NPAS3: variants seen among roughly 807,000 people sequenced by gnomAD.
The protein encoded by NPAS3 is neuronal PAS domain protein 3, also known as neuronal PAS domain-containing protein 3.
Under a neutral mutation model 73.1 loss-of-function variants are expected in NPAS3, and 14 were observed. The ratio of observed to expected loss-of-function variants is 0.19; its 90% CI spans 0.13 to 0.30. NPAS3 has a LOEUF of 0.30. Among genes scored for constraint, NPAS3 ranks in the 10% least tolerant of loss-of-function variants. NPAS3 has a pLI of 1.00. For missense variants in NPAS3, 1,096 were observed against 1,250.0 expected (o/e 0.88, Z 1.86); for synonymous variants, 620 against 541.5 (o/e 1.14, Z -2.01).
At chr14:32,965,405 T>G (rs1181170146) in intron 1 of NPAS3, among the ~76,000 whole-genome samples, 1 of 152,180 alleles carries the variant, frequency 6.6e-6, no homozygotes, top group Admixed American at 6.5e-5. Flanking sequence ...TGGTTCCACA[T>G]ATACAATTCA....
At chr14:32,995,397 C>G (rs762362499) in intron 1 of NPAS3, among the ~76,000 whole-genome samples, 1 of 152,200 alleles carries the variant, frequency 6.6e-6, no homozygotes, top group Non-Finnish European at 1.5e-5. Flanking sequence ...CATGGTAGTC[C>G]TGGCTGAGGC....
rs537594449 is a variant in NPAS3, at chr14:33,651,822, G to T, written c.559-24389G>T. The stretch of plus-strand genomic sequence containing the variant: ...AATTTTGGAGTAGGCCACTTTTGGT[G>T]GCTTATTTTTCTTTTCCTAGAAATA... On this transcript the variant is annotated intron_variant, in intron 5 of 11. Transcript: ENST00000356141. 2.0e-5 allele frequency among the ~76,000 whole-genome samples: 3 copies of T among 152,172 alleles called. No homozygotes were observed. In the South Asian group the frequency reaches 6.2e-4, roughly 32 times the overall value.
chr14:33,371,523 C>G (rs1412564644), intron 4 of NPAS3, among the ~76,000 whole-genome samples: 4 of 152,154 alleles, frequency 2.6e-5, no homozygotes, highest in Non-Finnish European at 5.9e-5. Context: ...AAATCAGTAT[C>G]TCATGGTCAT....
intron 2 of NPAS3, among the ~76,000 whole-genome samples, chr14:33,145,909 A>G (rs1228105899): frequency 6.6e-6 from 1 of 152,150 alleles, no homozygotes; most frequent in Non-Finnish European, 1.5e-5. Flanking sequence ...AAGAAAATAT[A>G]TACTAAATAT....
chr14:33,642,972 A>G (rs1198389487), intron 5 of NPAS3, among the ~76,000 whole-genome samples: 2 of 152,312 alleles, frequency 1.3e-5, no homozygotes, highest in Non-Finnish European at 1.5e-5. Context: ...GTGTCCATGG[A>G]TCAGAGAAAT....
intron 2 of NPAS3, among the ~76,000 whole-genome samples, chr14:33,129,731 T>C (rs2043564245): frequency 1.3e-5 from 2 of 152,164 alleles, no homozygotes; most frequent in South Asian, 4.1e-4. Flanking sequence ...GAAGTGAGTA[T>C]GTATAAAGGA....
intron 4 of NPAS3, among the ~76,000 whole-genome samples, chr14:33,447,054 A>T (rs1007857876): frequency 6.6e-6 from 1 of 152,250 alleles, no homozygotes; most frequent in Admixed American, 6.5e-5. Flanking sequence ...AGGTGTCTTC[A>T]TCTAAAGAAG....
intron 4 of NPAS3, among the ~76,000 whole-genome samples, chr14:33,427,319 T>A (rs2048596432): frequency 6.6e-6 from 1 of 151,980 alleles, no homozygotes; most frequent in African/African-American, 2.4e-5. Flanking sequence ...ACCTGACATG[T>A]TCCTCCCTAG....
upstream of NPAS3, among the ~76,000 whole-genome samples, chr14:32,938,486 T>TAGAGAGAGAGAGAGAGAGAGA (rs1555372901): frequency 1.8e-5 from 1 of 55,906 alleles, no homozygotes; most frequent in African/African-American, 9.1e-5. Context: ...AGAGAGAAAT[T>TAGAGAGAGAGAGAGAGAGAGA]GAGAGAGAGA....
At chr14:33,019,375 G>C (rs977592066) in intron 1 of NPAS3, among the ~76,000 whole-genome samples, 1 of 152,130 alleles carries the variant, frequency 6.6e-6, no homozygotes, top group Non-Finnish European at 1.5e-5. Context: ...CCCTCATAAT[G>C]CTGTCATTAA....
intron 3 of NPAS3, among the ~76,000 whole-genome samples, chr14:33,321,157 T>G (rs772643072): frequency 1.3e-5 from 2 of 152,102 alleles, no homozygotes; most frequent in Non-Finnish European, 1.5e-5. Context: ...TCAGTCTTCA[T>G]GGGGGAATAA....
intron 4 of NPAS3, among the ~76,000 whole-genome samples, chr14:33,449,234 A>G (rs1033736765): frequency 1.3e-5 from 2 of 152,104 alleles, no homozygotes; most frequent in African/African-American, 4.8e-5. Context: ...GTCTTCCCCA[A>G]CTCCATCCTC....
At chr14:33,560,317 A>G (rs1192338141) in intron 5 of NPAS3, 107 bp downstream of exon 5, 4 of 601,032 alleles carry the variant, frequency 6.7e-6, no homozygotes, top group Non-Finnish European at 9.1e-6. Flanking sequence ...TATCAAATGT[A>G]TTATTTAATG....
chr14:32,955,801 C>T (rs143549276), intron 1 of NPAS3, among the ~76,000 whole-genome samples: 5,526 of 152,114 alleles, frequency 0.036, 151 homozygotes, highest in South Asian at 0.086. Context: ...TCTACAAGCA[C>T]GCATAACATA....
chr14:33,729,781 C>T (rs1272106287), intron 6 of NPAS3, among the ~76,000 whole-genome samples: 1 of 152,150 alleles, frequency 6.6e-6, no homozygotes. Context: ...AAAAGCAGGT[C>T]ACCAAGTTTA....
At chr14:33,351,897 G>C (rs564296923) in intron 3 of NPAS3, among the ~76,000 whole-genome samples, 1 of 152,142 alleles carries the variant, frequency 6.6e-6, no homozygotes, top group African/African-American at 2.4e-5. Context: ...GGGCCTGTTG[G>C]TGGGTGGGGG....
intron 2 of NPAS3, among the ~76,000 whole-genome samples, chr14:33,165,920 C>T (rs1009980782): frequency 5.9e-5 from 9 of 152,152 alleles, no homozygotes; most frequent in African/African-American, 2.2e-4. Flanking sequence ...CCCCCCATCC[C>T]CAAAGTGTGT....
intron 3 of NPAS3, among the ~76,000 whole-genome samples, chr14:33,276,068 C>G (rs1470550604): frequency 6.6e-6 from 1 of 152,138 alleles, no homozygotes; most frequent in African/African-American, 2.4e-5. Flanking sequence ...CTGAGATGAA[C>G]TGTGTCTGCA....
chr14:33,791,288 T>G (rs1029469120), intron 9 of NPAS3, among the ~76,000 whole-genome samples: 1 of 152,210 alleles, frequency 6.6e-6, no homozygotes, highest in African/African-American at 2.4e-5. Flanking sequence ...TCCCTTCCCC[T>G]TCAGTCTTTT....
Sources: allele counts gnomAD v4.1 joint callset (sites outside exome capture counted in the v4.1 genomes callset), GRCh38; gene constraint gnomAD v4.1.1; transcripts MANE v1.5; gene names NCBI Gene and HGNC (gene_info 2026-07-23, HGNC 2026-07-21).